Variants in ATP10B observed in about 807,000 individuals in gnomAD.
The protein encoded by ATP10B is phospholipid-transporting ATPase VB.
In ATP10B, 122 loss-of-function variants were observed where a neutral mutation model predicts 141.2. The observed-to-expected ratio is 0.86, with a 90% CI of 0.75 to 1.00. The LOEUF (loss-of-function observed/expected upper bound fraction) is 1.00. ATP10B is among the 50% of genes least tolerant of loss of function. ATP10B has a pLI of 0.00. For missense variants in ATP10B, 1,876 were observed against 1,825.3 expected (o/e 1.03, Z -0.51); for synonymous variants, 685 against 692.0 (o/e 0.99, Z 0.16).
chr5:160,749,430 T>G (rs1171020574), intron 2 of ATP10B, among the ~76,000 whole-genome samples: 1 of 152,200 alleles, frequency 6.6e-6, no homozygotes. Flanking sequence ...ACAACCCAGC[T>G]GCCCTCCTCA....
the ATP10B span, among the ~76,000 whole-genome samples, chr5:160,909,715 CTT>C: frequency 2.6e-5 from 4 of 152,114 alleles, no homozygotes; most frequent in African/African-American, 4.8e-5. Flanking sequence ...TGTTTTTTCT[CTT>C]GTTTATAAAG....
At chr5:160,649,582 T>C (rs754476544) in intron 7 of ATP10B, among the ~76,000 whole-genome samples, 1 of 152,218 alleles carries the variant, frequency 6.6e-6, no homozygotes, top group Non-Finnish European at 1.5e-5. Flanking sequence ...TTGTGCAGTA[T>C]GGAAGCCACT....
chr5:160,596,414 C>T (rs200455686), intron 22 of ATP10B, among the ~76,000 whole-genome samples: 103,250 of 131,130 alleles, frequency 0.79, 41,012 homozygotes, highest in Middle Eastern at 0.86. Flanking sequence ...GAGCTATCTA[C>T]GACAAACCCA....
the ATP10B span, among the ~76,000 whole-genome samples, chr5:160,917,546 C>T: frequency 1.5e-3 from 223 of 152,250 alleles, no homozygotes; most frequent in African/African-American, 5.0e-3. Context: ...AAACATTCAG[C>T]TACAAGTGGT....
At chr5:160,765,916 A>G (rs1213365530) in intron 2 of ATP10B, among the ~76,000 whole-genome samples, 1 of 152,196 alleles carries the variant, frequency 6.6e-6, no homozygotes, top group Non-Finnish European at 1.5e-5. Context: ...AAAATTTTCA[A>G]GAGAAGATAT....
intron 2 of ATP10B, among the ~76,000 whole-genome samples, chr5:160,776,680 G>A (rs1770350837): frequency 6.6e-6 from 1 of 152,128 alleles, no homozygotes; most frequent in Non-Finnish European, 1.5e-5. Context: ...TGTAGCCTCT[G>A]CTACTGCTTT....
chr5:160,596,239 T>C (rs1266171182), intron 22 of ATP10B, among the ~76,000 whole-genome samples: 1 of 152,158 alleles, frequency 6.6e-6, no homozygotes, highest in Non-Finnish European at 1.5e-5. Flanking sequence ...TGGTTCAATA[T>C]ACTCATATCA....
chr5:160,616,409 A>G (rs1209099022), intron 16 of ATP10B, among the ~76,000 whole-genome samples: 1 of 152,228 alleles, frequency 6.6e-6, no homozygotes, highest in Non-Finnish European at 1.5e-5. Flanking sequence ...CTGAGATCCA[A>G]TGACAGAGGG....
At chr5:160,775,194 G>C (rs548660334) in intron 2 of ATP10B, among the ~76,000 whole-genome samples, 2 of 152,338 alleles carry the variant, frequency 1.3e-5, no homozygotes, top group African/African-American at 4.8e-5. Context: ...GGCCATGCCT[G>C]TCTGCACGCA....
At chr5:160,751,616 C>T (rs1005306601) in intron 2 of ATP10B, among the ~76,000 whole-genome samples, 3 of 152,180 alleles carry the variant, frequency 2.0e-5, no homozygotes, top group African/African-American at 2.4e-5. Context: ...TGCTTTCATG[C>T]TCTTCCGGAG....
the ATP10B span, among the ~76,000 whole-genome samples, chr5:160,877,104 T>A: frequency 6.6e-6 from 1 of 152,092 alleles, no homozygotes; most frequent in African/African-American, 2.4e-5. Flanking sequence ...TAGACCAATA[T>A]CCTTGATGAA....
the ATP10B span, among the ~76,000 whole-genome samples, chr5:160,867,201 C>CATATATAT: frequency 1.0e-4 from 15 of 150,524 alleles, no homozygotes; most frequent in Admixed American, 5.3e-4. Context: ...CATATATATG[C>CATATATAT]ATATATATAT....
At chr5:160,645,047 G>A (rs1315887938) in intron 8 of ATP10B, among the ~76,000 whole-genome samples, 1 of 151,640 alleles carries the variant, frequency 6.6e-6, no homozygotes, top group Non-Finnish European at 1.5e-5. Context: ...AACCCGGGAG[G>A]CGGAGGTTGC....
intron 10 of ATP10B, among the ~76,000 whole-genome samples, chr5:160,639,884 C>T (rs1759703281): frequency 1.3e-5 from 2 of 152,088 alleles, no homozygotes; most frequent in Admixed American, 6.5e-5. Flanking sequence ...CTATATGGTC[C>T]CATGTAGGGA....
At chr5:160,638,008 A>AG (rs550637104) in intron 10 of ATP10B, among the ~76,000 whole-genome samples, 35 of 152,202 alleles carry the variant, frequency 2.3e-4, no homozygotes, top group Non-Finnish European at 3.8e-4. Context: ...GGAGGACTTG[A>AG]GGGGGTCCTG....
the ATP10B span, among the ~76,000 whole-genome samples, chr5:160,874,324 C>T: frequency 6.6e-6 from 1 of 152,038 alleles, no homozygotes; most frequent in Non-Finnish European, 1.5e-5. Flanking sequence ...GCTGAGGGTC[C>T]TGTCTGTTAG....
chr5:160,910,507 T>C, the ATP10B span, among the ~76,000 whole-genome samples: 1 of 152,162 alleles, frequency 6.6e-6, no homozygotes, highest in Non-Finnish European at 1.5e-5. Context: ...AACAGCCAAC[T>C]GAATAATAAA....
At chr5:160,586,587 C>T (rs1581156054) in intron 24 of ATP10B, among the ~76,000 whole-genome samples, 1 of 152,326 alleles carries the variant, frequency 6.6e-6, no homozygotes, top group African/African-American at 2.4e-5. Flanking sequence ...AATTTACATT[C>T]CCACCAACAG....
the ATP10B span, among the ~76,000 whole-genome samples, chr5:160,884,819 CAG>C: frequency 6.6e-6 from 1 of 152,110 alleles, no homozygotes; most frequent in Admixed American, 6.5e-5. Flanking sequence ...ATTTGAGAAA[CAG>C]TGAATTAATT....
Sources: gnomAD v4.1 joint callset for allele counts (sites outside exome capture counted in the v4.1 genomes callset) on GRCh38, gnomAD v4.1.1 for gene constraint, MANE v1.5 for transcripts, NCBI Gene and HGNC (gene_info 2026-07-23, HGNC 2026-07-21) for gene names.